The following PCDH19 variants were observed in gnomAD, a reference collection of about 807,000 sequenced individuals.
PCDH19 encodes protocadherin-19.
A neutral mutation model predicts 46.2 loss-of-function variants in PCDH19; 6 were observed. The observed-to-expected ratio is 0.13, with a 90% CI of 0.07 to 0.26. The LOEUF is 0.26. PCDH19 is among the 10% of genes least tolerant of loss of function. The pLI is 1.00. For missense variants in PCDH19, 740 were observed against 972.3 expected, an observed-to-expected ratio of 0.76 and a Z score of 3.18; for synonymous variants, 481 against 415.7, an observed-to-expected ratio of 1.16 and a Z score of -1.91.
chrX:100,302,822 C>T (rs984478399), intron 5 of PCDH19, among the ~76,000 whole-genome samples: 9 of 111,569 alleles, frequency 8.1e-5, no homozygotes, highest in Non-Finnish European at 1.3e-4. Flanking sequence ...CCTAGCAAAG[C>T]GTCCAGCACA....
intron 5 of PCDH19, among the ~76,000 whole-genome samples, chrX:100,316,882 GAATATA>G (rs1210013423): frequency 3.6e-5 from 4 of 111,497 alleles, no homozygotes; most frequent in African/African-American, 1.3e-4. Flanking sequence ...GAATCAATTG[GAATATA>G]AATGTAGCTA....
intron 3 of PCDH19, among the ~76,000 whole-genome samples, chrX:100,353,451 T>C (rs1926624937): frequency 8.9e-6 from 1 of 111,737 alleles, no homozygotes; most frequent in Non-Finnish European, 1.9e-5. Flanking sequence ...AGACCTGACC[T>C]CCAGGCATGG....
chrX:100,403,457 G>A (rs1196554579), intron 2 of PCDH19, 67 bp downstream of exon 2: 56 of 503,555 alleles, frequency 1.1e-4, no homozygotes, highest in East Asian at 2.3e-4. Context: ...CTCACCCCCC[G>A]ACCCCCTCCT....
intron 4 of PCDH19, among the ~76,000 whole-genome samples, chrX:100,344,768 AT>A (rs1216424187): frequency 7.0e-5 from 7 of 100,689 alleles, no homozygotes; most frequent in Admixed American, 6.9e-4. Context: ...CAATATTGAC[AT>A]TTGGGGCTAC....
intron 5 of PCDH19, among the ~76,000 whole-genome samples, chrX:100,341,183 T>C (rs1319605029): frequency 8.9e-6 from 1 of 112,268 alleles, no homozygotes; most frequent in African/African-American, 3.2e-5. Flanking sequence ...CGATAAAGCA[T>C]GTGTGGCTGA....
intron 3 of PCDH19, among the ~76,000 whole-genome samples, chrX:100,393,497 T>TACACAC (rs57070852): frequency 0.04 from 3,558 of 89,961 alleles, 91 homozygotes; most frequent in Non-Finnish European, 0.053. Flanking sequence ...CATACATACA[T>TACACAC]ACACACACAC....
intron 3 of PCDH19, among the ~76,000 whole-genome samples, chrX:100,359,481 T>C (rs1455335692): frequency 1.8e-5 from 2 of 111,881 alleles, no homozygotes; most frequent in Admixed American, 9.5e-5. Flanking sequence ...ATGGCAACCA[T>C]TGTTAGAAGG....
chrX:100,402,497 C>T, intron 3 of PCDH19, 27 bp downstream of exon 3: 1 of 1,177,879 alleles, frequency 8.5e-7, no homozygotes, highest in South Asian at 1.8e-5. Context: ...CTGGGAGAAC[C>T]TCACAGAGCC....
At chrX:100,314,271 C>CT (rs755824357) in intron 5 of PCDH19, among the ~76,000 whole-genome samples, 2 of 111,481 alleles carry the variant, frequency 1.8e-5, no homozygotes, top group African/African-American at 6.5e-5. Context: ...AAATAATACC[C>CT]TTTTTTCTGG....
At chrX:100,316,738 C>A (rs1484729366) in intron 5 of PCDH19, among the ~76,000 whole-genome samples, 3 of 111,870 alleles carry the variant, frequency 2.7e-5, no homozygotes, top group Non-Finnish European at 5.6e-5. Flanking sequence ...TATTAGAAGT[C>A]TTTAGCATTA....
intron 3 of PCDH19, among the ~76,000 whole-genome samples, chrX:100,382,520 G>T (rs1033018072): frequency 8.9e-6 from 1 of 111,772 alleles, no homozygotes; most frequent in Non-Finnish European, 1.9e-5. Context: ...AGAAGAAAAG[G>T]CAGTGGCCCT....
At chrX:100,385,112 T>C (rs189074187) in intron 3 of PCDH19, among the ~76,000 whole-genome samples, 156 of 100,288 alleles carry the variant, frequency 1.6e-3, no homozygotes, top group African/African-American at 5.6e-3. Flanking sequence ...TGAATGGAGA[T>C]GACACCACTG....
At chrX:100,313,901 A>ACACACACACTCT (rs1220794158) in intron 5 of PCDH19, among the ~76,000 whole-genome samples, 24 of 102,078 alleles carry the variant, frequency 2.4e-4, no homozygotes, top group Non-Finnish European at 3.2e-4. Context: ...ACACACACAC[A>ACACACACACTCT]CACACAAAGT....
At chrX:100,387,432 A>C (rs1927747125) in intron 3 of PCDH19, among the ~76,000 whole-genome samples, 1 of 111,734 alleles carries the variant, frequency 8.9e-6, no homozygotes, top group African/African-American at 3.3e-5. Flanking sequence ...TATCATGTTG[A>C]AACAGGATGC....
Position 100,410,021 on chromosome X carries a change from G to A in PCDH19, c.-1424C>T, listed in dbSNP as rs1928552005. On this transcript the variant is annotated 5_prime_UTR_variant, in exon 1 of 6. Transcript: ENST00000373034. ...TGTGGGGAGTGTGAGTGTGGAGTAT[G>A]AGCAAGCAGGAGGCAATGGGTTTGG... 1 of 296,290 alleles carries A rather than the reference G, an allele frequency of 3.4e-6. No individual in the cohort carries two copies. Among genetic ancestry groups the A allele is most frequent in the Non-Finnish European group, 5.9e-6 (1 of 170,211 alleles). The allele number at this position is 296,290 out of a possible 1,213,427, so 24.4% of individuals were successfully genotyped here.
At position 100,409,130 on chromosome X, in the gene PCDH19, A is replaced by G. The variant is rs1001680616; in HGVS notation, c.-533T>C. ...CTGGCATGCGCAAAGACCTCCCCCC[A>G]GCGCTCCCAGTTCACTGCGGAGAGA... On this transcript the variant is annotated 5_prime_UTR_variant, in exon 1 of 6. Coordinates refer to ENST00000373034, the MANE Select transcript of PCDH19 (RefSeq NM_001184880.2). 5 of 112,931 alleles carry G rather than the reference A, an allele frequency of 4.4e-5. No homozygotes were observed. Among genetic ancestry groups the G allele is most frequent in the South Asian group, 7.4e-4 (2 of 2,698 alleles). 9.3% of individuals were successfully genotyped at this position (112,931 alleles called of 1,213,427 possible).
At chrX:100,395,049 G>A (rs956878485) in intron 3 of PCDH19, among the ~76,000 whole-genome samples, 27 of 110,037 alleles carry the variant, frequency 2.5e-4, no homozygotes, top group Non-Finnish European at 4.4e-4. Context: ...CACCACGCCC[G>A]GCTAATTTTT....
At chrX:100,337,218 A>G (rs1187607873) in intron 5 of PCDH19, among the ~76,000 whole-genome samples, 1 of 111,808 alleles carries the variant, frequency 8.9e-6, no homozygotes, top group East Asian at 2.8e-4. Flanking sequence ...CCTCAAGCCA[A>G]GTAATTCCCT....
At position 100,407,278 on chromosome X, in the gene PCDH19, G is replaced by A. The variant is rs1181553650; in HGVS notation, c.1320C>T (p.Thr440=). 1 of 1,212,032 alleles carries A rather than the reference G, an allele frequency of 8.3e-7. No homozygotes were observed. Among genetic ancestry groups the A allele is most frequent in the Non-Finnish European group, 1.1e-6 (1 of 895,493 alleles). The change falls in exon 1 of 6, where the codon ACC becomes ACT. Residue 440 remains threonine (T), a synonymous_variant. Transcript: ENST00000373034. ...TGTCATTTTCGTCAGTGATGAGCAC[G>A]GTAAAGGACTTGGCACTCTGCAGCA... ...VPMLQSAKSF[T]VLITDENDNH...
Sources: gnomAD v4.1 joint callset for allele counts (sites outside exome capture counted in the v4.1 genomes callset) on GRCh38, gnomAD v4.1.1 for gene constraint, MANE v1.5 for transcripts, NCBI Gene and HGNC (gene_info 2026-07-23, HGNC 2026-07-21) for gene names.